Variants in TBCK observed in about 807,000 individuals in gnomAD.
TBCK encodes TBC1 domain containing kinase.
Under a neutral mutation model 113.4 loss-of-function variants are expected in TBCK, and 99 were observed. The ratio of observed to expected loss-of-function variants is 0.87; its 90% confidence interval spans 0.74 to 1.03. The LOEUF (loss-of-function observed/expected upper bound fraction) is 1.03. Among genes scored for constraint, TBCK ranks in the 50% least tolerant of loss-of-function variants. The probability of loss-of-function intolerance (pLI) is 0.00; values close to 1 mark genes in which losing one functional copy is unlikely to be tolerated. For synonymous variants in TBCK, 369 were observed against 370.8 expected (o/e 1.00, Z 0.05); for missense variants, 1,045 against 1,061.3 (o/e 0.98, Z 0.21).
Position 106,043,025 on chromosome 4 carries a change from T to C in TBCK, c.*3545A>G, listed in dbSNP as rs1408043833. 2 of 152,170 alleles carry C rather than the reference T, an allele frequency of 1.3e-5. No individual in the cohort carries two copies. Among genetic ancestry groups the C allele is most frequent in the African/African-American group, 2.4e-5 (1 of 41,458 alleles). 9.4% of individuals were successfully genotyped at this position (152,170 alleles called of 1,614,324 possible). A position where few individuals can be genotyped will look rare whatever the true frequency, so the allele number is the denominator to read the frequency against. ...CCCACCCATAAGATCCAAAGCTATG[T>C]CTTCTATTCCTATATGTATTCCAAA... On this transcript the variant is annotated 3_prime_UTR_variant, in exon 26 of 26. Transcript: ENST00000394708.
chr4:106,273,346 C>T (rs761607248), intron 3 of TBCK, among the ~76,000 whole-genome samples: 3 of 152,140 alleles, frequency 2.0e-5, no homozygotes, highest in Non-Finnish European at 2.9e-5. Flanking sequence ...TTTTTCCTGA[C>T]CTCTTTTCTA....
intron 25 of TBCK, among the ~76,000 whole-genome samples, chr4:106,074,764 G>C (rs1737966227): frequency 6.6e-6 from 1 of 152,206 alleles, no homozygotes; most frequent in South Asian, 2.1e-4. Context: ...CCTGGGGCTA[G>C]CAAAAGCAGA....
chr4:106,289,049 A>T (rs1382867623), intron 3 of TBCK, among the ~76,000 whole-genome samples: 1 of 152,224 alleles, frequency 6.6e-6, no homozygotes, highest in Non-Finnish European at 1.5e-5. Context: ...TTCTGGTCCC[A>T]AACATTATGG....
intron 20 of TBCK, among the ~76,000 whole-genome samples, chr4:106,197,411 G>GTGTATATATATATATATATATATATATA (rs35695611): frequency 2.5e-5 from 3 of 122,446 alleles, no homozygotes; most frequent in African/African-American, 9.3e-5. Context: ...GTGTGTGTGT[G>GTGTATATATATATATATATATATATATA]TATATATATA....
intron 24 of TBCK, among the ~76,000 whole-genome samples, chr4:106,099,926 A>G (rs537732752): frequency 3.9e-5 from 6 of 152,318 alleles, no homozygotes; most frequent in African/African-American, 1.4e-4. Context: ...TATAGGACAA[A>G]GCCCATATTT....
At chr4:106,084,442 A>G (rs886242443) in intron 25 of TBCK, among the ~76,000 whole-genome samples, 2 of 152,188 alleles carry the variant, frequency 1.3e-5, no homozygotes, top group African/African-American at 4.8e-5. Context: ...ACTTAATAAA[A>G]AGACTGAACC....
At chr4:106,120,624 CCA>C (rs1560676809) in intron 23 of TBCK, among the ~76,000 whole-genome samples, 1 of 152,214 alleles carries the variant, frequency 6.6e-6, no homozygotes, top group Admixed American at 6.5e-5. Flanking sequence ...GATCTGAGAA[CCA>C]GCAGACTGTC....
intron 25 of TBCK, among the ~76,000 whole-genome samples, chr4:106,058,505 T>A (rs1418926781): frequency 2.0e-5 from 3 of 151,722 alleles, no homozygotes; most frequent in African/African-American, 7.3e-5. Context: ...CATGAAGAAA[T>A]GCTATATAAA....
chr4:106,250,503 TC>T (rs1439798240), intron 6 of TBCK, 25 bp from the exon 7 acceptor site: 1 of 1,329,442 alleles, frequency 7.5e-7, no homozygotes, highest in East Asian at 2.4e-5. Context: ...AAAAGAAATT[TC>T]TATTAATATT....
At chr4:106,121,678 C>T (rs914911186) in intron 23 of TBCK, among the ~76,000 whole-genome samples, 18 of 152,220 alleles carry the variant, frequency 1.2e-4, no homozygotes, top group African/African-American at 4.3e-4. Flanking sequence ...AACTATCTCT[C>T]AGACCACAGT....
chr4:106,082,728 T>C (rs1044773723), intron 25 of TBCK, among the ~76,000 whole-genome samples: 7 of 152,040 alleles, frequency 4.6e-5, no homozygotes, highest in Non-Finnish European at 7.4e-5. Flanking sequence ...AAAGAAACCA[T>C]AATAAGCCTG....
intron 11 of TBCK, among the ~76,000 whole-genome samples, chr4:106,244,042 TA>T (rs1760475107): frequency 6.6e-6 from 1 of 152,172 alleles, no homozygotes; most frequent in Non-Finnish European, 1.5e-5. Flanking sequence ...TTCATATTTT[TA>T]TGAATAAACA....
intron 23 of TBCK, among the ~76,000 whole-genome samples, chr4:106,166,460 TA>T (rs1236668079): frequency 2.0e-5 from 3 of 151,752 alleles, no homozygotes; most frequent in Non-Finnish European, 4.4e-5. Context: ...AAATAAAATT[TA>T]AAAAATAATT....
intron 2 of TBCK, among the ~76,000 whole-genome samples, chr4:106,308,349 T>C (rs1273939377): frequency 6.6e-6 from 1 of 152,158 alleles, no homozygotes; most frequent in African/African-American, 2.4e-5. Context: ...GAAAAAGACT[T>C]AGCTCAGATT....
chr4:106,103,382 T>C (rs1201461433), intron 24 of TBCK, among the ~76,000 whole-genome samples: 1 of 152,216 alleles, frequency 6.6e-6, no homozygotes, highest in Non-Finnish European at 1.5e-5. Flanking sequence ...ATATATCTAG[T>C]GTAGAGGAAT....
chr4:106,158,876 T>A (rs1295862302), intron 23 of TBCK, among the ~76,000 whole-genome samples: 1 of 152,082 alleles, frequency 6.6e-6, no homozygotes, highest in Non-Finnish European at 1.5e-5. Flanking sequence ...CCCTTAAGAA[T>A]ATTGAAACAA....
intron 22 of TBCK, among the ~76,000 whole-genome samples, chr4:106,190,642 AGT>A (rs1266963459): frequency 6.6e-6 from 1 of 152,234 alleles, no homozygotes; most frequent in East Asian, 1.9e-4. Flanking sequence ...ATAAAATATA[AGT>A]GTGAAAATAA....
chr4:106,145,676 C>T (rs899540563), intron 23 of TBCK, among the ~76,000 whole-genome samples: 2 of 152,098 alleles, frequency 1.3e-5, no homozygotes. Context: ...TGTTCATGTC[C>T]TTTGCCCACT....
At chr4:106,216,489 AAGAG>A (rs1308842204) in intron 19 of TBCK, among the ~76,000 whole-genome samples, 1 of 152,172 alleles carries the variant, frequency 6.6e-6, no homozygotes, top group Non-Finnish European at 1.5e-5. Flanking sequence ...TAAAGAAAAA[AAGAG>A]AGAAGAATCA....
Sources: gnomAD v4.1 joint callset for allele counts (sites outside exome capture counted in the v4.1 genomes callset) on GRCh38, gnomAD v4.1.1 for gene constraint, MANE v1.5 for transcripts, NCBI Gene and HGNC (gene_info 2026-07-23, HGNC 2026-07-21) for gene names.